PPP2R2C: variants seen among roughly 807,000 people sequenced by gnomAD.
PPP2R2C encodes the protein protein phosphatase 2 regulatory subunit Bgamma, also known as protein phosphatase 2, regulatory subunit B, gamma.
A neutral mutation model predicts 45.3 loss-of-function variants in PPP2R2C; 10 were observed. The ratio of observed to expected loss-of-function variants is 0.22; its 90% CI spans 0.14 to 0.37. The LOEUF (loss-of-function observed/expected upper bound fraction) is 0.37. Among genes scored for constraint, PPP2R2C ranks in the 10% least tolerant of loss-of-function variants. PPP2R2C has a pLI of 1.00. For synonymous variants in PPP2R2C, 257 were observed against 245.4 expected, an observed-to-expected ratio of 1.05 and a Z score of -0.44; for missense variants, 308 against 619.7, an observed-to-expected ratio of 0.50 and a Z score of 5.34.
At chr4:6,363,413 C>T (rs756205894) in intron 5 of PPP2R2C, among the ~76,000 whole-genome samples, 2 of 151,966 alleles carry the variant, frequency 1.3e-5, no homozygotes. Flanking sequence ...CCCGTCTCTA[C>T]TAAAAAATAC....
intron 1 of PPP2R2C, among the ~76,000 whole-genome samples, chr4:6,537,683 T>C (rs1373871490): frequency 6.6e-6 from 1 of 151,812 alleles, no homozygotes; most frequent in Admixed American, 6.6e-5. Flanking sequence ...TCCGAGTAGC[T>C]GGAACTACAG....
chr4:6,563,497 G>A lies in PPP2R2C; in HGVS notation c.-59+63C>T, dbSNP rs1363912319. The A allele has an allele frequency of 6.5e-6, 1 of 152,986 alleles. No individual in the cohort carries two copies. The highest frequency in any genetic ancestry group is 2.4e-5 in the African/African-American group (1 of 41,422). The allele number at this position is 152,986 out of a possible 1,614,324, so 9.5% of individuals were successfully genotyped here. A position where few individuals can be genotyped will look rare whatever the true frequency, so the allele number is the denominator to read the frequency against. On this transcript the variant is annotated intron_variant, in intron 1 of 9. Transcript: ENST00000506140. This position sits in a 1 kb window ranked among gnomAD's most constrained non-coding sequence, Gnocchi z 5.8. The stretch of plus-strand genomic sequence containing the variant: ...TGAGGTCCTGCGGGGCTGGGGGTGA[G>A]GCGGGGTGGGCGCGAGGCGGCTCCG...
intron 5 of PPP2R2C, among the ~76,000 whole-genome samples, chr4:6,348,487 T>C (rs1441422923): frequency 6.6e-6 from 1 of 152,086 alleles, no homozygotes. Context: ...TGGAATTGAG[T>C]GTGTGGGCAT....
intron 2 of PPP2R2C, among the ~76,000 whole-genome samples, chr4:6,509,948 T>A (rs1429473201): frequency 6.6e-6 from 1 of 152,220 alleles, no homozygotes; most frequent in Non-Finnish European, 1.5e-5. Flanking sequence ...GTAACTGATT[T>A]GTTATTCTTG....
intron 2 of PPP2R2C, among the ~76,000 whole-genome samples, chr4:6,507,616 G>A (rs1416168927): frequency 6.6e-6 from 1 of 152,250 alleles, no homozygotes; most frequent in Non-Finnish European, 1.5e-5. Flanking sequence ...ACTGCTAAAA[G>A]TCACTAAGTA....
At chr4:6,520,964 A>G (rs890919748) in intron 2 of PPP2R2C, among the ~76,000 whole-genome samples, 5 of 152,212 alleles carry the variant, frequency 3.3e-5, no homozygotes, top group Non-Finnish European at 7.3e-5. Context: ...AATTATCACC[A>G]TGACCTCTGG....
At chr4:6,558,727 C>T (rs907741876) in intron 1 of PPP2R2C, among the ~76,000 whole-genome samples, 1 of 152,136 alleles carries the variant, frequency 6.6e-6, no homozygotes, top group Non-Finnish European at 1.5e-5. Flanking sequence ...TGAAGCCACA[C>T]CCCACTCAAC....
chr4:6,378,364 C>A lies in PPP2R2C; in HGVS notation c.334+43G>T. 1 of 1,613,182 alleles carries A rather than the reference C, an allele frequency of 6.2e-7. No homozygotes were observed. The highest frequency in any genetic ancestry group is 8.5e-7 in the Non-Finnish European group (1 of 1,179,848). ...ACAAACCAGCATTTGGTAGAAACAT[C>A]TACGGCCTGTGCCCATGCAAGCGAG... On this transcript the variant is annotated intron_variant, in intron 3 of 8. Coordinates refer to ENST00000382599, the MANE Select transcript of PPP2R2C (RefSeq NM_020416.4). The surrounding 1 kb of genome is among the most constrained non-coding windows in gnomAD (Gnocchi z 5.2).
At chr4:6,360,318 G>T (rs567978946) in intron 5 of PPP2R2C, among the ~76,000 whole-genome samples, 1 of 152,354 alleles carries the variant, frequency 6.6e-6, no homozygotes, top group South Asian at 2.1e-4. Flanking sequence ...TTCCCCATGG[G>T]GTGGGCACCC....
chr4:6,378,238 G>T lies in PPP2R2C; in HGVS notation c.334+169C>A. ...CCAGACACAGGGAGCGTCTGAGGGGGTCTGGCATACTCACTCATGGGATTT... is the reference window on the plus strand; with the variant it reads ...CCAGACACAGGGAGCGTCTGAGGGGTTCTGGCATACTCACTCATGGGATTT... On this transcript the variant is annotated intron_variant, in intron 3 of 8. Transcript: ENST00000382599. The surrounding 1 kb of genome is among the most constrained non-coding windows in gnomAD (Gnocchi z 5.2). 2.3e-6 allele frequency: 2 copies of T among 884,594 alleles called. No individual in the cohort carries two copies. Among genetic ancestry groups the T allele is most frequent in the Non-Finnish European group, 2.7e-6 (2 of 738,558 alleles). The allele number at this position is 884,594 out of a possible 1,614,324, so 54.8% of individuals were successfully genotyped here.
At chr4:6,543,748 G>A (rs1055769814) in intron 1 of PPP2R2C, among the ~76,000 whole-genome samples, 12 of 152,150 alleles carry the variant, frequency 7.9e-5, no homozygotes, top group African/African-American at 2.4e-4. Flanking sequence ...TGCCCTGCCC[G>A]TCCTGCTACC....
chr4:6,361,562 C>A (rs1239184757), intron 5 of PPP2R2C, among the ~76,000 whole-genome samples: 1 of 152,226 alleles, frequency 6.6e-6, no homozygotes, highest in Non-Finnish European at 1.5e-5. Context: ...AAAGACCCAG[C>A]ACATGGCTAC....
chr4:6,520,435 G>C (rs1401188751), intron 2 of PPP2R2C, among the ~76,000 whole-genome samples: 1 of 152,200 alleles, frequency 6.6e-6, no homozygotes, highest in Non-Finnish European at 1.5e-5. Context: ...GAGCAGAGTG[G>C]ATTCCATCCC....
chr4:6,417,558 C>T (rs758491134), intron 1 of PPP2R2C, among the ~76,000 whole-genome samples: 10 of 152,242 alleles, frequency 6.6e-5, no homozygotes, highest in Admixed American at 2.6e-4. Context: ...TGTTTCCATG[C>T]CCAGTCTGCC....
intron 2 of PPP2R2C, among the ~76,000 whole-genome samples, chr4:6,531,510 G>C (rs1724400946): frequency 1.3e-5 from 2 of 151,908 alleles, no homozygotes; most frequent in African/African-American, 4.8e-5. Flanking sequence ...GGGACTTGAG[G>C]GAGCAAAGCG....
intron 2 of PPP2R2C, among the ~76,000 whole-genome samples, chr4:6,533,518 G>T (rs1452690314): frequency 1.3e-5 from 2 of 152,116 alleles, no homozygotes; most frequent in African/African-American, 4.8e-5. Flanking sequence ...AGCCATCCAG[G>T]GCTCAGCACC....
At chr4:6,337,901 C>T (rs1733111319) in intron 6 of PPP2R2C, among the ~76,000 whole-genome samples, 1 of 152,130 alleles carries the variant, frequency 6.6e-6, no homozygotes, top group Non-Finnish European at 1.5e-5. Flanking sequence ...CCTGAAAAAC[C>T]ATTCCTAAAA....
chr4:6,488,138 C>T (rs968974490), intron 2 of PPP2R2C, among the ~76,000 whole-genome samples: 1 of 152,152 alleles, frequency 6.6e-6, no homozygotes, highest in African/African-American at 2.4e-5. Flanking sequence ...TTAGAACATA[C>T]AGAACATGAT....
At chr4:6,401,905 C>T (rs1222125418) in intron 1 of PPP2R2C, among the ~76,000 whole-genome samples, 3 of 152,184 alleles carry the variant, frequency 2.0e-5, no homozygotes, top group African/African-American at 4.8e-5. Context: ...CCTCACACAA[C>T]AGAGTGGAGT....
Sources: gnomAD v4.1 joint callset for allele counts (sites outside exome capture counted in the v4.1 genomes callset) on GRCh38, gnomAD v4.1.1 for gene constraint, Gnocchi (gnomAD v3.1) non-coding constraint, MANE v1.5 for transcripts, NCBI Gene and HGNC (gene_info 2026-07-23, HGNC 2026-07-21) for gene names.